Variants in CYP2R1 observed in about 807,000 individuals in gnomAD.
CYP2R1 encodes vitamin D 25-hydroxylase.
A neutral mutation model predicts 45.7 loss-of-function variants in CYP2R1; 40 were observed. The observed-to-expected ratio is 0.87, with a 90% confidence interval of 0.68 to 1.14. The LOEUF (loss-of-function observed/expected upper bound fraction) is 1.14, where lower values mean the gene tolerates loss of function less well. Among genes scored for constraint, CYP2R1 ranks in the 50% most tolerant of loss-of-function variants. The pLI is 0.00. For synonymous variants in CYP2R1, 234 were observed against 219.3 expected (o/e 1.07, Z -0.59); for missense variants, 605 against 602.6 (o/e 1.00, Z -0.04).
At chr11:14,888,890 T>C (rs956893922) in intron 1 of CYP2R1, among the ~76,000 whole-genome samples, 1 of 152,238 alleles carries the variant, frequency 6.6e-6, no homozygotes, top group African/African-American at 2.4e-5. Context: ...ATAAAGCCAC[T>C]TGTATTGGCT....
At chr11:14,892,369 T>C, upstream of CYP2R1, 1 of 665,148 alleles carries the variant, frequency 1.5e-6, no homozygotes, top group Non-Finnish European at 2.6e-6. Context: ...AACTACCTTC[T>C]AGTTTTGCGC....
At chr11:14,887,971 C>T (rs942216469) in intron 1 of CYP2R1, among the ~76,000 whole-genome samples, 2 of 152,184 alleles carry the variant, frequency 1.3e-5, no homozygotes, top group African/African-American at 4.8e-5. Flanking sequence ...TAATTCTCAA[C>T]GTGGCATTCT....
At chr11:14,891,346 C>T (rs1471747001) in intron 1 of CYP2R1, 1 of 985,466 alleles carries the variant, frequency 1.0e-6, no homozygotes, top group Non-Finnish European at 1.2e-6. Flanking sequence ...CGTTCCCAGC[C>T]AGTCAGAACG....
At chr11:14,887,951 T>C (rs1332488652) in intron 1 of CYP2R1, among the ~76,000 whole-genome samples, 1 of 152,214 alleles carries the variant, frequency 6.6e-6, no homozygotes, top group Non-Finnish European at 1.5e-5. Context: ...CATCCTTGTC[T>C]TTTTACAGGT....
chr11:14,890,220 GAAAA>G (rs1162076647), intron 1 of CYP2R1, among the ~76,000 whole-genome samples: 1 of 147,264 alleles, frequency 6.8e-6, no homozygotes, highest in Non-Finnish European at 1.5e-5. Context: ...TCACTACCGA[GAAAA>G]AAAAAAGACT....
In CYP2R1 at chr11:14,879,278, A is replaced by T. The variant is rs782535484; in HGVS notation, c.1166T>A (p.Val389Glu). 6.8e-6 allele frequency: 11 copies of T among 1,613,258 alleles called. No individual in the cohort carries two copies. The highest frequency in any genetic ancestry group is 9.3e-6 in the Non-Finnish European group (11 of 1,179,556). Residue 389 changes from valine to glutamate, a missense_variant, in exon 4 of 5, where the codon GTA (valine) becomes GAA (glutamate). Physicochemically the swap from Val to Glu is moderately radical, Grantham distance 121 (BLOSUM62 -2). Transcript: ENST00000334636. ...GCCTTTAGGAATGGAATAACCACGT[A>T]CAACTGCATCTTCAGAGGTTGCATG... ...IFHATSEDAV[V>E]RGYSIPKGTT...
chr11:14,883,008 A>G (rs1239655536), intron 2 of CYP2R1, among the ~76,000 whole-genome samples: 1 of 152,230 alleles, frequency 6.6e-6, no homozygotes, highest in African/African-American at 2.4e-5. Context: ...GGAGAACTAC[A>G]AACCACTGCT....
At position 14,878,056 on chromosome 11, in the gene CYP2R1, T is replaced by C. The variant is rs543339931; in HGVS notation, c.*66A>G. The C allele has an allele frequency of 3.9e-6, 6 of 1,550,836 alleles. No homozygotes were observed. In the Middle Eastern group the frequency reaches 8.5e-4, roughly 221 times the overall value. On this transcript the variant is annotated 3_prime_UTR_variant, in exon 5 of 5. Coordinates refer to ENST00000334636, the MANE Select transcript of CYP2R1 (RefSeq NM_024514.5). The stretch of plus-strand genomic sequence containing the variant: ...TTTTATTCTAATACACACATTGATT[T>C]GATTAAACCAAGTTCAGGGATAAGG...
chr11:14,878,424 A>T (rs1848240458), intron 4 of CYP2R1, 127 bp from the exon 5 acceptor site: 5 of 917,086 alleles, frequency 5.5e-6, no homozygotes, highest in Non-Finnish European at 8.2e-6. Flanking sequence ...TATGTTTATT[A>T]AAGGATTTTC....
At chr11:14,885,744 GTAAATCAC>G in intron 2 of CYP2R1, 24 bp downstream of exon 2, 1 of 1,600,366 alleles carries the variant, frequency 6.2e-7, no homozygotes, top group South Asian at 1.1e-5. Context: ...AAATATCTTA[GTAAATCAC>G]TAAATAGGTG....
At position 14,881,980 on chromosome 11, in the gene CYP2R1, C is replaced by T. The variant is rs529435309; in HGVS notation, c.368-1212G>A. Among the ~76,000 whole-genome samples, 8 of 152,232 alleles carry T rather than the reference C, an allele frequency of 5.3e-5. No homozygotes were observed. The East Asian group carries it at 1.5e-3, about 29-fold the overall frequency. On this transcript the variant is annotated intron_variant, in intron 2 of 4. Coordinates refer to ENST00000334636, the MANE Select transcript of CYP2R1 (RefSeq NM_024514.5). ...GTACATGAGGTACACACAAAATTTA[C>T]ATTCCAACAACTTATTGTGCAATAA...
chr11:14,890,843 C>T lies in CYP2R1; in HGVS notation c.225+1138G>A, dbSNP rs539401470. On this transcript the variant is annotated intron_variant, in intron 1 of 4. Transcript: ENST00000334636. ...GATTATAGGCGTGAGCCACCGCGCC[C>T]GGGCACCTAGACCAATCCTTGTAAA... is the stretch of plus-strand genomic sequence containing the variant. 31 of 985,104 alleles carry T rather than the reference C, an allele frequency of 3.1e-5. No homozygotes were observed. The African/African-American group carries it at 5.1e-4, about 16-fold the overall frequency. The allele number at this position is 985,104 out of a possible 1,614,324, so 61.0% of individuals were successfully genotyped here. A position where few individuals can be genotyped will look rare whatever the true frequency, so the allele number is the denominator to read the frequency against.
intron 2 of CYP2R1, among the ~76,000 whole-genome samples, chr11:14,883,724 A>G (rs1349537113): frequency 6.6e-6 from 1 of 152,080 alleles, no homozygotes; most frequent in Non-Finnish European, 1.5e-5. Context: ...CAGCAAAAGA[A>G]ACTACCATCA....
chr11:14,892,176 G>A lies in CYP2R1; in HGVS notation c.30C>T (p.Gly10=), dbSNP rs782388964. Residue 10 remains glycine (G), a synonymous_variant, in exon 1 of 5, where the codon GGC becomes GGT. Coordinates refer to ENST00000334636, the MANE Select transcript of CYP2R1 (RefSeq NM_024514.5). MWKLWRAEE[G]AAALGGALFL... ...AGAGCGCGCCGCCGAGCGCCGCCGC[G>A]CCCTCTTCAGCTCTCCAAAGCTTCC... 1.2e-6 allele frequency: 2 copies of A among 1,610,630 alleles called. No homozygotes were observed. The highest frequency in any genetic ancestry group is 2.2e-5 in the East Asian group (1 of 44,838).
chr11:14,887,492 T>C, intron 1 of CYP2R1: 1 of 725,150 alleles, frequency 1.4e-6, no homozygotes. Flanking sequence ...AACTTATCCT[T>C]AAACTGCTTT....
chr11:14,889,079 T>C (rs1848727173), intron 1 of CYP2R1, among the ~76,000 whole-genome samples: 1 of 152,018 alleles, frequency 6.6e-6, no homozygotes. Context: ...CTTTCAAGAA[T>C]CACAAAGCAG....
At chr11:14,892,340 G>T (rs1848895862), upstream of CYP2R1, 2 of 817,664 alleles carry the variant, frequency 2.4e-6, no homozygotes, top group Admixed American at 2.5e-5. Flanking sequence ...CTGAGTGAGC[G>T]CTCAGGCCCC....
In CYP2R1 at chr11:14,880,681, T is replaced by G. The variant is rs1555011915; in HGVS notation, c.455A>C (p.Lys152Thr). The change falls in exon 3 of 5, where the codon AAG (lysine) becomes ACG (threonine). Residue 152 changes from lysine to threonine, a missense_variant. Coordinates refer to ENST00000334636, the MANE Select transcript of CYP2R1 (RefSeq NM_024514.5). ...TTCCAAGATTTTAGATTCAAAAGAC[T>G]TTTGGCCATATCCAAAATATCGAAA... is the stretch of plus-strand genomic sequence containing the variant. ...NSFRYFGYGQKSFESKILEET... is the reference protein window; with the variant it reads ...NSFRYFGYGQTSFESKILEET... The G allele has an allele frequency of 8.1e-6, 13 of 1,597,674 alleles. No individual in the cohort carries two copies. Among genetic ancestry groups the G allele is most frequent in the Non-Finnish European group, 1.1e-5 (13 of 1,174,810 alleles).
rs758310132 is a variant in CYP2R1 at position 14,889,851 on chromosome 11, G to A, written c.225+2130C>T. Among the ~76,000 whole-genome samples the A allele has an allele frequency of 3.9e-5, 6 of 152,112 alleles. No individual in the cohort carries two copies. The East Asian group carries it at 5.8e-4, about 15-fold the overall frequency. The stretch of plus-strand genomic sequence containing the variant: ...TGTATAGAAACTAATAACATAGGCC[G>A]GGCGCAGTGGCTCACACCTGTAATC... On this transcript the variant is annotated intron_variant, in intron 1 of 4. Coordinates refer to ENST00000334636, the MANE Select transcript of CYP2R1 (RefSeq NM_024514.5).
Sources: allele counts gnomAD v4.1 joint callset (sites outside exome capture counted in the v4.1 genomes callset), GRCh38; gene constraint gnomAD v4.1.1; transcripts MANE v1.5; gene names NCBI Gene and HGNC (gene_info 2026-07-23, HGNC 2026-07-21).